The following EHD4 variants were observed in gnomAD, a reference collection of about 807,000 sequenced individuals.
The protein encoded by EHD4 is EH domain containing 4, also known as EH domain-containing protein 4.
A neutral mutation model predicts 51.0 loss-of-function variants in EHD4; 37 were observed. The ratio of observed to expected loss-of-function variants is 0.73; its 90% CI spans 0.56 to 0.95. The LOEUF is 0.95. Among genes scored for constraint, EHD4 ranks in the 40% least tolerant of loss-of-function variants. EHD4 has a pLI of 0.00. For missense variants in EHD4, 632 were observed against 733.1 expected (o/e 0.86, Z 1.59); for synonymous variants, 297 against 317.3 (o/e 0.94, Z 0.68).
chr15:41,952,603 A>G (rs1002325212), intron 2 of EHD4, among the ~76,000 whole-genome samples: 3 of 152,102 alleles, frequency 2.0e-5, no homozygotes, highest in African/African-American at 7.2e-5. Context: ...TCCACTGGGA[A>G]CTCTAATGAA....
Position 41,919,579 on chromosome 15 carries a change from C to G in EHD4, c.555G>C (p.Val185=). Residue 185 remains valine (V), a synonymous_variant, in exon 4 of 6, where the codon GTG becomes GTC. Coordinates refer to ENST00000220325, the MANE Select transcript of EHD4 (RefSeq NM_139265.4). Reference sequence around the variant, plus strand: ...CGTCAAAGAGCAGGATGATCCTGTCCACCCTCTCGGCAAACCACTGCAGGA... The same window carrying G: ...CGTCAAAGAGCAGGATGATCCTGTCGACCCTCTCGGCAAACCACTGCAGGA... ...CQVLQWFAER[V]DRIILLFDAH... is the part of the protein sequence containing the mutation. The G allele has an allele frequency of 2.0e-6, 3 of 1,519,374 alleles. No individual in the cohort carries two copies. Among genetic ancestry groups the G allele is most frequent in the Admixed American group, 2.2e-5 (1 of 44,568 alleles). The allele number at this position is 1,519,374 out of a possible 1,614,324, so 94.1% of individuals were successfully genotyped here. A position where few individuals can be genotyped will look rare whatever the true frequency, so the allele number is the denominator to read the frequency against.
chr15:41,964,920 C>A (rs1375821662), intron 1 of EHD4, among the ~76,000 whole-genome samples: 1 of 152,004 alleles, frequency 6.6e-6, no homozygotes, highest in African/African-American at 2.4e-5. Flanking sequence ...TACAGGCATG[C>A]ACCACCATGT....
chr15:41,900,613 C>G lies in EHD4; in HGVS notation c.*32G>C. 6.5e-7 allele frequency: 1 copy of G among 1,534,928 alleles called. No homozygotes were observed. Among genetic ancestry groups the G allele is most frequent in the Non-Finnish European group, 8.7e-7 (1 of 1,143,980 alleles). ...TGGAGCAGGCCTGAGGCCCAGGTCCCCCAGTTCCCACCCCGTTCTGCAGCC... is the reference window on the plus strand; with the variant it reads ...TGGAGCAGGCCTGAGGCCCAGGTCCGCCAGTTCCCACCCCGTTCTGCAGCC... On this transcript the variant is annotated 3_prime_UTR_variant, in exon 6 of 6. Coordinates refer to ENST00000220325, the MANE Select transcript of EHD4 (RefSeq NM_139265.4). This position sits in a 1 kb window ranked among gnomAD's most constrained non-coding sequence, Gnocchi z 4.8.
In EHD4 at chr15:41,972,310, G is replaced by C. The variant is rs756895395; in HGVS notation, c.185C>G (p.Pro62Arg). The C allele has an allele frequency of 6.2e-7, 1 of 1,611,226 alleles. No homozygotes were observed. The highest frequency in any genetic ancestry group is 8.5e-7 in the Non-Finnish European group (1 of 1,178,790). Residue 62 changes from proline to arginine, a missense_variant, in exon 1 of 6, where the codon CCC becomes CGC. Transcript: ENST00000220325. ...ALEDADFENKPMILLVGQYST... is the reference protein window; with the variant it reads ...ALEDADFENKRMILLVGQYST... ...GTACTGGCCCACCAGCAGGATCATG[G>C]GCTTGTTCTCGAAGTCGGCGTCCTC...
chr15:41,901,047 G>A lies in EHD4; in HGVS notation c.1224C>T (p.Pro408=). ...AGGCGCCGCCCTGCACCAGCTGCGT[G>A]GGCGTGCTCGTCTCCTCCTGGCTGA... is the stretch of plus-strand genomic sequence containing the variant. ...NLISQEETST[P]TQLVQGGAFD... Residue 408 remains proline, a synonymous_variant, in exon 6 of 6, where the codon CCC becomes CCT. Coordinates refer to ENST00000220325, the MANE Select transcript of EHD4 (RefSeq NM_139265.4). The A allele has an allele frequency of 6.2e-7, 1 of 1,612,490 alleles. No individual in the cohort carries two copies.
chr15:41,922,813 T>C (rs758632308), intron 3 of EHD4, among the ~76,000 whole-genome samples: 1 of 152,224 alleles, frequency 6.6e-6, no homozygotes, highest in Non-Finnish European at 1.5e-5. Flanking sequence ...TACATATCCA[T>C]ATTTTCTTGT....
chr15:41,970,527 T>C (rs1298535123), intron 1 of EHD4, among the ~76,000 whole-genome samples: 2 of 152,250 alleles, frequency 1.3e-5, no homozygotes, highest in African/African-American at 2.4e-5. Flanking sequence ...GAGAGAAATC[T>C]GGAAAAATAC....
intron 2 of EHD4, among the ~76,000 whole-genome samples, chr15:41,949,051 T>TATATATACACAC (rs1491135423): frequency 6.4e-5 from 7 of 109,428 alleles, no homozygotes; most frequent in African/African-American, 1.5e-4. Flanking sequence ...TATATATATA[T>TATATATACACAC]ACACACATAC....
At chr15:41,963,927 T>C (rs2067944221) in intron 1 of EHD4, among the ~76,000 whole-genome samples, 2 of 151,696 alleles carry the variant, frequency 1.3e-5, no homozygotes, top group Non-Finnish European at 2.9e-5. Flanking sequence ...AGGTGGATCA[T>C]GAAGTCAGGA....
chr15:41,967,844 G>C (rs138263609), intron 1 of EHD4, among the ~76,000 whole-genome samples: 172 of 152,260 alleles, frequency 1.1e-3, no homozygotes, highest in Middle Eastern at 3.4e-3. Flanking sequence ...TTTCTTAAAA[G>C]CCACCAAATA....
At chr15:41,934,266 C>T (rs1442595017) in intron 3 of EHD4, among the ~76,000 whole-genome samples, 2 of 151,560 alleles carry the variant, frequency 1.3e-5, no homozygotes, top group South Asian at 2.1e-4. Context: ...GTATCAGAAC[C>T]CTCTGGACCC....
At chr15:41,923,580 G>A (rs1165824006) in intron 3 of EHD4, among the ~76,000 whole-genome samples, 1 of 152,178 alleles carries the variant, frequency 6.6e-6, no homozygotes, top group Non-Finnish European at 1.5e-5. Context: ...AATCCCTGGG[G>A]CTGAGCCTGG....
At chr15:41,907,284 C>T (rs987813465) in intron 5 of EHD4, among the ~76,000 whole-genome samples, 1 of 152,188 alleles carries the variant, frequency 6.6e-6, no homozygotes, top group African/African-American at 2.4e-5. Context: ...GTCAAGAAAC[C>T]AAGTTCCCTT....
chr15:41,927,224 G>T (rs977978412), intron 3 of EHD4, among the ~76,000 whole-genome samples: 2 of 152,276 alleles, frequency 1.3e-5, no homozygotes, highest in Non-Finnish European at 2.9e-5. Context: ...AGCACAGTAG[G>T]TGTTCAATAC....
intron 4 of EHD4, among the ~76,000 whole-genome samples, chr15:41,911,650 C>T (rs1595531362): frequency 6.6e-6 from 1 of 152,266 alleles, no homozygotes; most frequent in East Asian, 1.9e-4. Context: ...CTATGTATAC[C>T]TATGTATACC....
At chr15:41,959,257 A>G (rs962601132) in intron 1 of EHD4, among the ~76,000 whole-genome samples, 7 of 151,870 alleles carry the variant, frequency 4.6e-5, no homozygotes, top group Admixed American at 1.3e-4. Flanking sequence ...TTAGCCAGGC[A>G]TGGTGGCGGG....
rs1206131728 is a variant in EHD4 at position 41,897,811 on chromosome 15, A to G, written c.*2834T>C. On this transcript the variant is annotated 3_prime_UTR_variant, in exon 6 of 6. Transcript: ENST00000220325. ...GTAGAAAACAGGGCCTCAGCTTCTTAGATGTTGTAGTTCTAGAGTTTAGGT... is the reference window on the plus strand; with the variant it reads ...GTAGAAAACAGGGCCTCAGCTTCTTGGATGTTGTAGTTCTAGAGTTTAGGT... 1.3e-5 allele frequency: 2 copies of G among 152,212 alleles called. No homozygotes were observed. The highest frequency in any genetic ancestry group is 2.4e-5 in the African/African-American group (1 of 41,438). The allele number at this position is 152,212 out of a possible 1,614,324, so 9.4% of individuals were successfully genotyped here.
rs751987742 is a variant in EHD4 at position 41,919,427 on chromosome 15, T to G, written c.707A>C (p.Tyr236Ser). 1 of 1,589,652 alleles carries G rather than the reference T, an allele frequency of 6.3e-7. No individual in the cohort carries two copies. Among genetic ancestry groups the G allele is most frequent in the Non-Finnish European group, 8.6e-7 (1 of 1,166,590 alleles). The change falls in exon 4 of 6, where the codon TAC becomes TCC. Residue 236 changes from tyrosine to serine, a missense_variant. By Grantham distance (144) the Tyr-to-Ser change is moderately radical. Transcript: ENST00000220325. ...GCCTAGGGACCACATGAGGGCCCCGTAGACCCGCATCAGCTGCTGCGTGTC... is the reference window on the plus strand; with the variant it reads ...GCCTAGGGACCACATGAGGGCCCCGGAGACCCGCATCAGCTGCTGCGTGTC... ...QVDTQQLMRV[Y>S]GALMWSLGKV... is the part of the protein sequence containing the mutation.
At chr15:41,934,441 AGGAGATAGGACTACG>A (rs2067718784) in intron 3 of EHD4, among the ~76,000 whole-genome samples, 1 of 151,884 alleles carries the variant, frequency 6.6e-6, no homozygotes, top group Non-Finnish European at 1.5e-5. Flanking sequence ...CGGCCTCCCA[AGGAGATAGGACTACG>A]AGAACACACC....
Sources: allele counts gnomAD v4.1 joint callset (sites outside exome capture counted in the v4.1 genomes callset), GRCh38; gene constraint gnomAD v4.1.1; non-coding constraint Gnocchi (gnomAD v3.1); transcripts MANE v1.5; gene names NCBI Gene and HGNC (gene_info 2026-07-23, HGNC 2026-07-21).